The following TENM2 variants were observed in gnomAD, a reference collection of about 807,000 sequenced individuals.
TENM2 encodes teneurin-2.
Under a neutral mutation model 245.2 loss-of-function variants are expected in TENM2, and 52 were observed. That is an observed-to-expected ratio of 0.21 (90% CI 0.17 to 0.27). The LOEUF is 0.27. Ranked by LOEUF, TENM2 falls within the 10% of genes least tolerant of loss-of-function variation. The pLI is 1.00. For synonymous variants in TENM2, 1,363 were observed against 1,438.9 expected (o/e 0.95, Z 1.19); for missense variants, 3,046 against 3,666.8 (o/e 0.83, Z 4.37).
intron 2 of TENM2, among the ~76,000 whole-genome samples, chr5:167,528,147 G>A (rs1055593878): frequency 6.6e-6 from 1 of 152,088 alleles, no homozygotes; most frequent in Non-Finnish European, 1.5e-5. Flanking sequence ...TGACGATTTG[G>A]AGGCTGCGAA....
Position 167,590,032 on chromosome 5 carries a change from A to G in TENM2, c.502+214559A>G, listed in dbSNP as rs1775773773. 2.0e-5 allele frequency among the ~76,000 whole-genome samples: 3 copies of G among 151,742 alleles called. No homozygotes were observed. The South Asian group carries it at 6.2e-4, about 32-fold the overall frequency. ...GTAATAATAGTAATTACTTTGTTTG[A>G]TTTATATTTTAGTTATTCTACAGTT... On this transcript the variant is annotated intron_variant, in intron 2 of 28. Transcript: ENST00000518659.
chr5:167,964,233 T>G (rs1781223448), intron 4 of TENM2, among the ~76,000 whole-genome samples: 1 of 152,220 alleles, frequency 6.6e-6, no homozygotes, highest in African/African-American at 2.4e-5. Flanking sequence ...TTCTCTTGTC[T>G]AAAACAGTAG....
chr5:167,088,986 T>G, the TENM2 span, among the ~76,000 whole-genome samples: 59 of 152,356 alleles, frequency 3.9e-4, no homozygotes, highest in Admixed American at 1.5e-3. Context: ...CCACTTTATT[T>G]AGACGCAGTT....
At chr5:167,389,693 A>C (rs2127358732) in intron 2 of TENM2, among the ~76,000 whole-genome samples, 1 of 152,282 alleles carries the variant, frequency 6.6e-6, no homozygotes, top group South Asian at 2.1e-4. Context: ...TAGAACATAC[A>C]CAGTTATGTG....
At chr5:167,204,912 T>A in the TENM2 span, among the ~76,000 whole-genome samples, 6 of 152,206 alleles carry the variant, frequency 3.9e-5, no homozygotes, top group Non-Finnish European at 8.8e-5. Context: ...AACTGAAAGC[T>A]TATTTTGACT....
At chr5:167,613,077 C>T (rs1397150054) in intron 2 of TENM2, among the ~76,000 whole-genome samples, 3 of 152,074 alleles carry the variant, frequency 2.0e-5, no homozygotes, top group Non-Finnish European at 1.5e-5. Context: ...AAATTAATAG[C>T]AACTACCAAC....
intron 25 of TENM2, among the ~76,000 whole-genome samples, chr5:168,235,276 A>C (rs1051215965): frequency 1.3e-5 from 2 of 152,224 alleles, no homozygotes; most frequent in African/African-American, 4.8e-5. Flanking sequence ...TTCACCTTAC[A>C]TGGTGAGCAG....
intron 2 of TENM2, among the ~76,000 whole-genome samples, chr5:167,828,467 C>T (rs1021577178): frequency 6.6e-6 from 1 of 152,216 alleles, no homozygotes; most frequent in African/African-American, 2.4e-5. Flanking sequence ...GCACTAGGAT[C>T]ATGCCCATAA....
exon 7 of TENM2, chr5:168,062,103 A>G (rs925990376): frequency 6.2e-7 from 1 of 1,612,988 alleles, no homozygotes; most frequent in Non-Finnish European, 8.5e-7. Context: ...GTGGTGAAGC[A>G]GAAGTTGGTC....
chr5:168,072,408 A>G (rs1041175320), intron 7 of TENM2, among the ~76,000 whole-genome samples: 13 of 152,194 alleles, frequency 8.5e-5, no homozygotes, highest in Admixed American at 7.9e-4. Flanking sequence ...AGGCAGCATG[A>G]TGAGGGCATG....
chr5:167,391,285 A>T (rs935259608), intron 2 of TENM2, among the ~76,000 whole-genome samples: 1 of 152,144 alleles, frequency 6.6e-6, no homozygotes, highest in Non-Finnish European at 1.5e-5. Context: ...GAGCTAGAGT[A>T]TACAGAACTT....
At chr5:167,917,747 A>G (rs1777058175) in intron 3 of TENM2, among the ~76,000 whole-genome samples, 1 of 152,176 alleles carries the variant, frequency 6.6e-6, no homozygotes, top group Admixed American at 6.5e-5. Flanking sequence ...CCTTCACTGA[A>G]AGGGGTCTCA....
At chr5:168,211,012 A>G (rs1218286114) in intron 19 of TENM2, among the ~76,000 whole-genome samples, 2 of 152,238 alleles carry the variant, frequency 1.3e-5, no homozygotes, top group African/African-American at 4.8e-5. Flanking sequence ...CAATTCCAAG[A>G]GGATATTATT....
intron 2 of TENM2, among the ~76,000 whole-genome samples, chr5:167,393,453 AG>A (rs1156278882): frequency 6.6e-6 from 1 of 152,176 alleles, no homozygotes; most frequent in African/African-American, 2.4e-5. Flanking sequence ...TACAGATTTC[AG>A]GGGTGTGGCA....
chr5:167,692,581 A>C (rs1757501842), intron 2 of TENM2, among the ~76,000 whole-genome samples: 1 of 152,180 alleles, frequency 6.6e-6, no homozygotes, highest in Non-Finnish European at 1.5e-5. Flanking sequence ...ACAGACTATA[A>C]ATTAAATATA....
rs552875300 is a variant in TENM2, at chr5:167,602,971, C to G, written c.502+227498C>G. Among the ~76,000 whole-genome samples, 182 of 152,226 alleles carry G rather than the reference C, an allele frequency of 1.2e-3. 1 individual carries two copies. Among genetic ancestry groups the G allele is most frequent in the African/African-American group, 4.2e-3 (174 of 41,528 alleles). ...AACTTACTGTGGGTAATGGAAGAAG[C>G]CTGCCATGGGAATAGCTTTCCAAGG... is the stretch of plus-strand genomic sequence containing the variant. On this transcript the variant is annotated intron_variant, in intron 2 of 28. Transcript: ENST00000518659.
intron 2 of TENM2, among the ~76,000 whole-genome samples, chr5:167,707,397 G>C (rs999222245): frequency 2.0e-5 from 3 of 151,942 alleles, no homozygotes; most frequent in African/African-American, 7.2e-5. Flanking sequence ...TGTTTTCTTT[G>C]CTGCACAGAA....
chr5:168,091,066 C>T (rs536954396), intron 8 of TENM2, among the ~76,000 whole-genome samples: 3 of 152,266 alleles, frequency 2.0e-5, no homozygotes, highest in Admixed American at 2.0e-4. Context: ...TGATAAGCCT[C>T]AGTTTCCTCA....
intron 2 of TENM2, among the ~76,000 whole-genome samples, chr5:167,613,059 C>A (rs1046575317): frequency 6.6e-6 from 1 of 152,062 alleles, no homozygotes; most frequent in Non-Finnish European, 1.5e-5. Flanking sequence ...AAAATGCTAT[C>A]ATTATTCAAA....
Sources: gnomAD v4.1 joint callset for allele counts (sites outside exome capture counted in the v4.1 genomes callset) on GRCh38, gnomAD v4.1.1 for gene constraint, MANE v1.5 for transcripts, NCBI Gene and HGNC (gene_info 2026-07-23, HGNC 2026-07-21) for gene names.